CDH11: variants seen among roughly 807,000 people sequenced by gnomAD.
CDH11 encodes cadherin 11, also known as cadherin-11.
In CDH11, 11 loss-of-function variants were observed where a neutral mutation model predicts 67.8. That is an observed-to-expected ratio of 0.16 (90% confidence interval 0.10 to 0.27). CDH11 has a LOEUF of 0.27. Ranked by LOEUF, CDH11 falls within the 10% of genes least tolerant of loss-of-function variation. CDH11 has a pLI of 1.00. For missense variants in CDH11, 847 were observed against 1,031.2 expected (o/e 0.82, Z 2.45); for synonymous variants, 419 against 400.0 (o/e 1.05, Z -0.57).
At chr16:65,033,036 G>T (rs2073676263) in intron 2 of CDH11, among the ~76,000 whole-genome samples, 1 of 152,182 alleles carries the variant, frequency 6.6e-6, no homozygotes, top group Non-Finnish European at 1.5e-5. Context: ...CCCCTGCTGT[G>T]AAATGAACTA....
chr16:64,971,460 G>T, intron 11 of CDH11, 119 bp downstream of exon 11: 1 of 639,542 alleles, frequency 1.6e-6, no homozygotes, highest in South Asian at 2.1e-5. Flanking sequence ...ATTATTTCCG[G>T]TTTCTTCTTC....
In CDH11 at chr16:65,121,988, G is replaced by A. The variant is rs1023153669; in HGVS notation, c.-406C>T. 2.9e-6 allele frequency: 2 copies of A among 700,770 alleles called. No homozygotes were observed. Among genetic ancestry groups the A allele is most frequent in the African/African-American group, 1.8e-5 (1 of 57,132 alleles). 43.4% of individuals were successfully genotyped at this position (700,770 alleles called of 1,614,324 possible). ...GTCCCGGTCCCATTCACAAGTCAGC[G>A]GCGGCTGCGAGCGGCCCCCGCGGCA... On this transcript the variant is annotated 5_prime_UTR_variant, in exon 1 of 13. Coordinates refer to ENST00000268603, the MANE Select transcript of CDH11 (RefSeq NM_001797.4). This position sits in a 1 kb window ranked among gnomAD's most constrained non-coding sequence, Gnocchi z 4.1.
At chr16:64,980,876 GA>G (rs2072315796) in intron 8 of CDH11, among the ~76,000 whole-genome samples, 1 of 152,068 alleles carries the variant, frequency 6.6e-6, no homozygotes, top group African/African-American at 2.4e-5. Flanking sequence ...AGAAGGAAAT[GA>G]GAGGAGTGGC....
intron 2 of CDH11, among the ~76,000 whole-genome samples, chr16:65,028,312 T>G (rs1449924635): frequency 6.6e-6 from 1 of 152,148 alleles, no homozygotes; most frequent in African/African-American, 2.4e-5. Context: ...TTTTACCTCC[T>G]GCTTGGGTCC....
intron 1 of CDH11, among the ~76,000 whole-genome samples, chr16:65,101,829 C>A (rs2074997215): frequency 6.6e-6 from 1 of 152,174 alleles, no homozygotes; most frequent in East Asian, 1.9e-4. Context: ...CTGTGTCTAC[C>A]TTGTCAACCC....
intron 1 of CDH11, among the ~76,000 whole-genome samples, chr16:65,055,832 G>T (rs1390372420): frequency 6.6e-6 from 1 of 152,210 alleles, no homozygotes; most frequent in Non-Finnish European, 1.5e-5. Flanking sequence ...AAATTCACAT[G>T]TTAAAGCACT....
In CDH11 at chr16:65,121,724, CCTTTTG is replaced by C. The variant is rs1433191331; in HGVS notation, c.-298+150_-298+155del. 2.0e-5 allele frequency among the ~76,000 whole-genome samples: 3 copies of C among 152,228 alleles called. No homozygotes were observed. The highest frequency in any genetic ancestry group is 4.4e-5 in the Non-Finnish European group (3 of 68,050). On this transcript the variant is annotated intron_variant, in intron 1 of 12. Transcript: ENST00000268603. This position sits in a 1 kb window ranked among gnomAD's most constrained non-coding sequence, Gnocchi z 4.1. Reference sequence around the variant, plus strand: ...TGATTTTTAAACAAATCTCTCCCTCCCTTTTGCTTTGCGTTAGTGAAGCCTTCTCGA... The same window carrying C: ...TGATTTTTAAACAAATCTCTCCCTCCCTTTGCGTTAGTGAAGCCTTCTCGA...
At chr16:64,961,579 A>G (rs2142398706) in intron 11 of CDH11, among the ~76,000 whole-genome samples, 1 of 152,226 alleles carries the variant, frequency 6.6e-6, no homozygotes, top group East Asian at 1.9e-4. Context: ...TTTATAAATT[A>G]TTATTAGGAT....
intron 8 of CDH11, among the ~76,000 whole-genome samples, chr16:64,975,868 A>C (rs2072153397): frequency 6.6e-6 from 1 of 152,224 alleles, no homozygotes; most frequent in Admixed American, 6.5e-5. Flanking sequence ...TGTTGAAATT[A>C]TTTAAAAAAT....
intron 11 of CDH11, among the ~76,000 whole-genome samples, chr16:64,970,333 C>T (rs35230): frequency 0.72 from 109,053 of 152,014 alleles, 41,467 homozygotes; most frequent in East Asian, 1. Flanking sequence ...GCATGGGGAG[C>T]GCCTGTCTGC....
chr16:64,997,336 T>C (rs979648275), intron 4 of CDH11, among the ~76,000 whole-genome samples: 8 of 120,002 alleles, frequency 6.7e-5, no homozygotes, highest in South Asian at 2.5e-4. Flanking sequence ...AATAAATAAA[T>C]AAACAAACCT....
intron 3 of CDH11, among the ~76,000 whole-genome samples, chr16:65,000,408 C>T (rs2072890057): frequency 6.6e-6 from 1 of 152,102 alleles, no homozygotes; most frequent in Non-Finnish European, 1.5e-5. Flanking sequence ...TAGTGGGCTT[C>T]AAGAGCAGTC....
At chr16:65,042,101 T>C (rs1308683092) in intron 2 of CDH11, among the ~76,000 whole-genome samples, 1 of 152,198 alleles carries the variant, frequency 6.6e-6, no homozygotes, top group Non-Finnish European at 1.5e-5. Context: ...GTAGTCACAT[T>C]GGTTTAGTCA....
intron 1 of CDH11, among the ~76,000 whole-genome samples, chr16:65,061,623 T>G (rs536370240): frequency 6.6e-6 from 1 of 152,342 alleles, no homozygotes; most frequent in Admixed American, 6.5e-5. Context: ...AGTATTAAGT[T>G]TGAAAAAGTG....
intron 1 of CDH11, among the ~76,000 whole-genome samples, chr16:65,063,686 T>A (rs947134948): frequency 6.6e-6 from 1 of 152,148 alleles, no homozygotes; most frequent in South Asian, 2.1e-4. Context: ...ATAGTATCTA[T>A]ATGTGTGTCA....
chr16:64,946,006 A>G lies in CDH11; in HGVS notation c.*1597T>C. On this transcript the variant is annotated 3_prime_UTR_variant, in exon 13 of 13. Coordinates refer to ENST00000268603, the MANE Select transcript of CDH11 (RefSeq NM_001797.4). ...ACTGAACAGGTGAAATGCCCTTCAC[A>G]TAAGTTTCAATCCCCAAGAAACTAG... 2.8e-6 allele frequency: 3 copies of G among 1,058,868 alleles called. No homozygotes were observed. The highest frequency in any genetic ancestry group is 4.2e-4 in the Middle Eastern group (1 of 2,360). 65.6% of individuals were successfully genotyped at this position (1,058,868 alleles called of 1,614,324 possible).
chr16:65,123,619 G>A, upstream of CDH11: 1 of 152,252 alleles, frequency 6.6e-6, no homozygotes, highest in Non-Finnish European at 1.5e-5. Context: ...GTTTCCACAC[G>A]GCTTGGGGAG....
chr16:65,071,267 CAG>C (rs1342499812), intron 1 of CDH11, among the ~76,000 whole-genome samples: 1 of 152,202 alleles, frequency 6.6e-6, no homozygotes, highest in Non-Finnish European at 1.5e-5. Context: ...TTTCCAAAAG[CAG>C]AGTCCCCACA....
intron 7 of CDH11, among the ~76,000 whole-genome samples, chr16:64,983,726 C>T (rs1343446436): frequency 1.3e-5 from 2 of 152,142 alleles, no homozygotes; most frequent in African/African-American, 4.8e-5. Context: ...CCCAGCAGTT[C>T]CTTTATCCTT....
Sources: allele counts gnomAD v4.1 joint callset (sites outside exome capture counted in the v4.1 genomes callset), GRCh38; gene constraint gnomAD v4.1.1; non-coding constraint Gnocchi (gnomAD v3.1); transcripts MANE v1.5; gene names NCBI Gene and HGNC (gene_info 2026-07-23, HGNC 2026-07-21).